Variants in DOCK3 observed in about 807,000 individuals in gnomAD.
DOCK3 encodes the protein dedicator of cytokinesis 3.
DOCK3 carries 60 observed loss-of-function variants against 265.6 expected under a neutral mutation model. The ratio of observed to expected loss-of-function variants is 0.23; its 90% CI spans 0.18 to 0.28. The LOEUF (loss-of-function observed/expected upper bound fraction) is 0.28, where lower values mean the gene tolerates loss of function less well. Among genes scored for constraint, DOCK3 ranks in the 10% least tolerant of loss-of-function variants. DOCK3 has a pLI of 1.00. For synonymous variants in DOCK3, 881 were observed against 938.0 expected (o/e 0.94, Z 1.11); for missense variants, 1,981 against 2,594.3 (o/e 0.76, Z 5.14).
intron 3 of DOCK3, among the ~76,000 whole-genome samples, chr3:50,868,681 T>C (rs1379064057): frequency 6.6e-6 from 1 of 152,092 alleles, no homozygotes; most frequent in Non-Finnish European, 1.5e-5. Context: ...GCTGACTTTT[T>C]ATTATGGCTT....
chr3:50,720,033 G>T, intron 1 of DOCK3: 1 of 240,872 alleles, frequency 4.2e-6, no homozygotes, highest in Admixed American at 5.0e-5. Context: ...CTAATTCTGT[G>T]TTCTGCTTTG....
intron 1 of DOCK3, among the ~76,000 whole-genome samples, chr3:50,702,975 G>C (rs1286351205): frequency 6.6e-6 from 1 of 152,072 alleles, no homozygotes; most frequent in East Asian, 1.9e-4. Flanking sequence ...GTCAGCTGTG[G>C]GTTTGTCATA....
At chr3:50,895,094 G>A (rs1486210019) in intron 4 of DOCK3, among the ~76,000 whole-genome samples, 2 of 151,100 alleles carry the variant, frequency 1.3e-5, no homozygotes, top group African/African-American at 2.4e-5. Context: ...TTTATCAATT[G>A]GGATAAAAGC....
chr3:51,014,517 C>A (rs2079077517), intron 5 of DOCK3, among the ~76,000 whole-genome samples: 1 of 150,538 alleles, frequency 6.6e-6, no homozygotes, highest in African/African-American at 2.5e-5. Context: ...AGAATGCAGT[C>A]CAGGTTCTTC....
intron 9 of DOCK3, among the ~76,000 whole-genome samples, chr3:51,135,659 T>G (rs1478022200): frequency 6.6e-6 from 1 of 152,170 alleles, no homozygotes; most frequent in Non-Finnish European, 1.5e-5. Context: ...ACGTAAATAA[T>G]CCACACTGTG....
intron 29 of DOCK3, 53 bp from the exon 30 acceptor site, chr3:51,312,423 C>G: frequency 6.7e-7 from 1 of 1,494,500 alleles, no homozygotes; most frequent in Non-Finnish European, 9.3e-7. Context: ...GTAACGCTCC[C>G]TACAAGATTA....
intron 3 of DOCK3, chr3:50,877,306 ATGT>A (rs1170491703): frequency 2.6e-6 from 1 of 378,784 alleles, no homozygotes; most frequent in South Asian, 2.0e-5. Context: ...CCTTTTTCTA[ATGT>A]TGTGCAATTT....
chr3:51,155,836 C>T (rs539741279), intron 10 of DOCK3, among the ~76,000 whole-genome samples: 2 of 152,216 alleles, frequency 1.3e-5, no homozygotes, highest in Middle Eastern at 3.4e-3. Context: ...TATATCTATT[C>T]GTATTTACTC....
intron 1 of DOCK3, chr3:50,719,801 C>G: frequency 4.9e-6 from 4 of 821,810 alleles, no homozygotes; most frequent in Admixed American, 1.7e-5. Flanking sequence ...GACACATAAA[C>G]TCTGGAATAA....
intron 35 of DOCK3, among the ~76,000 whole-genome samples, chr3:51,336,305 C>CAGGTT (rs1177998087): frequency 6.6e-6 from 1 of 151,664 alleles, no homozygotes; most frequent in Non-Finnish European, 1.5e-5. Context: ...CTATATTTCC[C>CAGGTT]AGGTTAGGAA....
intron 6 of DOCK3, among the ~76,000 whole-genome samples, 168 bp downstream of exon 6, chr3:51,064,764 G>C (rs988884080): frequency 6.6e-6 from 1 of 152,116 alleles, no homozygotes; most frequent in African/African-American, 2.4e-5. Flanking sequence ...CCTAGTTAGC[G>C]AAGGATACTC....
chr3:51,099,414 C>G (rs372604023), intron 9 of DOCK3, among the ~76,000 whole-genome samples: 30 of 152,294 alleles, frequency 2.0e-4, no homozygotes, highest in African/African-American at 7.0e-4. Context: ...CCTACAGAGT[C>G]TGGATAACAA....
rs572399102 is a variant in DOCK3 at position 51,285,333 on chromosome 3, A to G, written c.2922+5129A>G. On this transcript the variant is annotated intron_variant, in intron 27 of 52. Coordinates refer to ENST00000266037, the MANE Select transcript of DOCK3 (RefSeq NM_004947.5). ...TATTTCAAACAAAAGAATAAGATAA[A>G]TGTCCAGAAACCAGCCCAAGTGAAG... Among the ~76,000 whole-genome samples the G allele has an allele frequency of 9.7e-4, 148 of 152,224 alleles. 1 individual carries two copies. Among genetic ancestry groups the G allele is most frequent in the Non-Finnish European group, 1.7e-3 (115 of 68,012 alleles).
intron 14 of DOCK3, among the ~76,000 whole-genome samples, chr3:51,216,374 T>A (rs2089788026): frequency 6.6e-6 from 1 of 152,182 alleles, no homozygotes; most frequent in South Asian, 2.1e-4. Flanking sequence ...CAAGCATTGG[T>A]GAGGCAAGCT....
intron 5 of DOCK3, among the ~76,000 whole-genome samples, chr3:50,976,932 T>C (rs369168384): frequency 0.077 from 11,223 of 146,346 alleles, 441 homozygotes; most frequent in Non-Finnish European, 0.1. Context: ...TTTATTGGTT[T>C]AAAGTCTGTT....
chr3:51,143,182 C>T (rs374444382), intron 9 of DOCK3, among the ~76,000 whole-genome samples: 3 of 151,610 alleles, frequency 2.0e-5, no homozygotes, highest in Non-Finnish European at 4.4e-5. Context: ...CCACCGTGCC[C>T]GGCTGGTATA....
chr3:50,730,519 A>G lies in DOCK3; in HGVS notation c.38-48156A>G, dbSNP rs149852361. Among the ~76,000 whole-genome samples, 13 of 152,346 alleles carry G rather than the reference A, an allele frequency of 8.5e-5. No homozygotes were observed. The East Asian group carries it at 2.5e-3, about 29-fold the overall frequency. ...TATTAAGCCAGCATAACCTTGATCC[A>G]AAGCCTAAGGAGATTAAAATAAAAT... On this transcript the variant is annotated intron_variant, in intron 1 of 52. Coordinates refer to ENST00000266037, the MANE Select transcript of DOCK3 (RefSeq NM_004947.5).
chr3:51,249,163 C>CG (rs1305494378), intron 22 of DOCK3, among the ~76,000 whole-genome samples: 2 of 146,412 alleles, frequency 1.4e-5, no homozygotes, highest in Non-Finnish European at 3.0e-5. Flanking sequence ...GGGGGTCAGC[C>CG]CCCCGCCAGG....
At chr3:51,338,161 C>G (rs1382020942) in intron 35 of DOCK3, among the ~76,000 whole-genome samples, 198 bp from the exon 36 acceptor site, 3 of 152,192 alleles carry the variant, frequency 2.0e-5, no homozygotes, top group Non-Finnish European at 4.4e-5. Flanking sequence ...CTCAGTTGAA[C>G]AGAGATCTTT....
Sources: allele counts gnomAD v4.1 joint callset (sites outside exome capture counted in the v4.1 genomes callset), GRCh38; gene constraint gnomAD v4.1.1; transcripts MANE v1.5; gene names NCBI Gene and HGNC (gene_info 2026-07-23, HGNC 2026-07-21).